LAMA3: variants seen among roughly 807,000 people sequenced by gnomAD.
LAMA3 encodes the protein laminin subunit alpha 3.
LAMA3 carries 281 observed loss-of-function variants against 402.0 expected under a neutral mutation model. The observed-to-expected ratio is 0.70, with a 90% CI of 0.63 to 0.77. The LOEUF (loss-of-function observed/expected upper bound fraction) is 0.77, where lower values mean the gene tolerates loss of function less well. Ranked by LOEUF, LAMA3 falls within the 30% of genes least tolerant of loss-of-function variation. The pLI is 0.00. For missense variants in LAMA3, 3,840 were observed against 4,215.5 expected, an observed-to-expected ratio of 0.91 and a Z score of 2.47; for synonymous variants, 1,431 against 1,558.4, an observed-to-expected ratio of 0.92 and a Z score of 1.93.
At chr18:23,724,538 G>A (rs1180989773) in intron 2 of LAMA3, among the ~76,000 whole-genome samples, 2 of 152,076 alleles carry the variant, frequency 1.3e-5, no homozygotes, top group East Asian at 3.9e-4. Flanking sequence ...CTCAGAATGA[G>A]GCTGGTTTGC....
At chr18:23,766,851 T>A (rs1025031143) in intron 8 of LAMA3, among the ~76,000 whole-genome samples, 93 of 151,292 alleles carry the variant, frequency 6.1e-4, no homozygotes, top group Admixed American at 2.0e-3. Flanking sequence ...AAAAAAAAAA[T>A]TCTTGGAAGT....
At chr18:23,937,508 G>A (rs1384223726) in intron 67 of LAMA3, among the ~76,000 whole-genome samples, 1 of 152,046 alleles carries the variant, frequency 6.6e-6, no homozygotes, top group Non-Finnish European at 1.5e-5. Context: ...CTGAATGCAT[G>A]ATAGAGGCCA....
rs1398112350 is a variant in LAMA3, at chr18:23,903,479, AT to A, written c.6318+358del. Among the ~76,000 whole-genome samples, 7 of 152,318 alleles carry A rather than the reference AT, an allele frequency of 4.6e-5. No homozygotes were observed. In the East Asian group the frequency reaches 1.3e-3, roughly 29 times the overall value. On this transcript the variant is annotated intron_variant, in intron 49 of 74. Coordinates refer to ENST00000313654, the MANE Select transcript of LAMA3 (RefSeq NM_198129.4). ...ACAATTTTTTAGCAGTTCAATGGGG[AT>A]TTTAAAGTGTCTTTTATAATAACTA...
At chr18:23,809,167 A>G (rs746241920) in intron 12 of LAMA3, among the ~76,000 whole-genome samples, 1 of 152,210 alleles carries the variant, frequency 6.6e-6, no homozygotes, top group African/African-American at 2.4e-5. Context: ...ATCGTGCTCA[A>G]TGCCTTATTG....
At position 23,954,585 on chromosome 18, in the gene LAMA3, C is replaced by G. The variant is rs1185470322; in HGVS notation, c.9939C>G (p.Val3313=). ...LRNIHVNHIP[V]PVTEALEVQG... ...ATATTCATGTCAATCACATCCCTGT[C>G]CCTGTCACTGAAGCCTTGGAAGTCC... Residue 3313 remains valine, a synonymous_variant, in exon 75 of 75, where the codon GTC becomes GTG. Transcript: ENST00000313654. 1 of 1,613,700 alleles carries G rather than the reference C, an allele frequency of 6.2e-7. No homozygotes were observed. Among genetic ancestry groups the G allele is most frequent in the East Asian group, 2.2e-5 (1 of 44,888 alleles).
intron 12 of LAMA3, among the ~76,000 whole-genome samples, chr18:23,795,674 C>T (rs1387466527): frequency 2.0e-5 from 3 of 151,642 alleles, no homozygotes; most frequent in South Asian, 4.2e-4. Flanking sequence ...TAGAAAAGTC[C>T]GGGCATATTT....
chr18:23,699,127 C>T (rs1482684105), intron 1 of LAMA3, among the ~76,000 whole-genome samples: 1 of 152,122 alleles, frequency 6.6e-6, no homozygotes, highest in Non-Finnish European at 1.5e-5. Context: ...GAGAGGAAGG[C>T]AGCCTCACAA....
intron 66 of LAMA3, among the ~76,000 whole-genome samples, chr18:23,932,998 G>A (rs2082210518): frequency 6.6e-6 from 1 of 152,174 alleles, no homozygotes; most frequent in Admixed American, 6.5e-5. Context: ...GGAGGTGGGA[G>A]GGATGGGGAA....
intron 12 of LAMA3, among the ~76,000 whole-genome samples, chr18:23,802,690 A>G (rs999957169): frequency 1.3e-5 from 2 of 152,160 alleles, no homozygotes; most frequent in African/African-American, 2.4e-5. Context: ...AGACCTCTCG[A>G]CCACCAGAGC....
At chr18:23,836,740 C>T (rs2063588691) in intron 24 of LAMA3, among the ~76,000 whole-genome samples, 1 of 152,168 alleles carries the variant, frequency 6.6e-6, no homozygotes, top group Non-Finnish European at 1.5e-5. Context: ...TCAAGCCAGG[C>T]AGAAAAACTG....
intron 56 of LAMA3, among the ~76,000 whole-genome samples, chr18:23,913,126 C>T (rs183044891): frequency 1.1e-3 from 174 of 152,272 alleles, no homozygotes; most frequent in Non-Finnish European, 1.8e-3. Context: ...GGGCCCAGCA[C>T]GTGGGCATGT....
chr18:23,699,985 C>T (rs923832224), intron 1 of LAMA3, among the ~76,000 whole-genome samples: 7 of 152,062 alleles, frequency 4.6e-5, no homozygotes, highest in Non-Finnish European at 8.8e-5. Flanking sequence ...TATTGATTCT[C>T]GCAAAATATA....
chr18:23,772,038 C>T (rs576474632), intron 8 of LAMA3, among the ~76,000 whole-genome samples: 36 of 145,446 alleles, frequency 2.5e-4, no homozygotes, highest in African/African-American at 4.0e-4. Flanking sequence ...GACTTCTGAT[C>T]GAAGTCTTTT....
chr18:23,854,773 G>A (rs950265118), intron 32 of LAMA3, among the ~76,000 whole-genome samples: 2 of 151,844 alleles, frequency 1.3e-5, no homozygotes, highest in Non-Finnish European at 2.9e-5. Flanking sequence ...CACGAGGTCT[G>A]GAGATCGAGA....
chr18:23,826,552 C>T (rs751205536), intron 21 of LAMA3, 150 bp from the exon 22 acceptor site: 14 of 681,908 alleles, frequency 2.1e-5, no homozygotes, highest in African/African-American at 5.3e-5. Context: ...TTCGGTGAGT[C>T]GGGATGAAGA....
chr18:23,826,232 A>G (rs999045347), intron 21 of LAMA3, among the ~76,000 whole-genome samples: 2 of 152,220 alleles, frequency 1.3e-5, no homozygotes, highest in Non-Finnish European at 2.9e-5. Context: ...TGGGACAGGC[A>G]GTAGGCCAGT....
At chr18:23,873,042 G>C in intron 38 of LAMA3, 2 of 1,614,124 alleles carry the variant, frequency 1.2e-6, no homozygotes, top group Non-Finnish European at 8.5e-7. Context: ...TCCAGGAACC[G>C]GGATGCCTCC....
At chr18:23,934,589 TGTAAC>T (rs1423443394) in intron 67 of LAMA3, among the ~76,000 whole-genome samples, 4 of 152,236 alleles carry the variant, frequency 2.6e-5, no homozygotes, top group African/African-American at 9.6e-5. Flanking sequence ...AGGTCAACAA[TGTAAC>T]TTTCCCAGGT....
chr18:23,810,596 C>A, intron 13 of LAMA3, 93 bp downstream of exon 13: 1 of 1,306,306 alleles, frequency 7.7e-7, no homozygotes, highest in Non-Finnish European at 1.1e-6. Context: ...CCCACAGACT[C>A]ACCACTGGCC....
Sources: allele counts gnomAD v4.1 joint callset (sites outside exome capture counted in the v4.1 genomes callset), GRCh38; gene constraint gnomAD v4.1.1; transcripts MANE v1.5; gene names NCBI Gene and HGNC (gene_info 2026-07-23, HGNC 2026-07-21).